The following IFNG-AS1 variants were observed in gnomAD, a reference collection of about 807,000 sequenced individuals.
IFNG-AS1 encodes IFNG regulatory antisense RNA 1, also known as IFNG antisense RNA 1 (non-protein coding).
intron 1 of IFNG-AS1, among the ~76,000 whole-genome samples, chr12:67,995,100 C>A (rs1006671744): frequency 6.6e-6 from 1 of 152,084 alleles, no homozygotes; most frequent in Non-Finnish European, 1.5e-5. Flanking sequence ...CAGGGTTGGA[C>A]CAGGCTTTTG....
chr12:68,020,919 A>G (rs1269184998), intron 4 of IFNG-AS1: 2 of 152,184 alleles, frequency 1.3e-5, no homozygotes, highest in Admixed American at 6.5e-5. Context: ...ATAGAAAAGC[A>G]TATACCACTT....
intron 2 of IFNG-AS1, among the ~76,000 whole-genome samples, chr12:67,997,303 C>T (rs531793678): frequency 3.8e-4 from 57 of 151,912 alleles, no homozygotes; most frequent in African/African-American, 1.2e-3. Flanking sequence ...ACTAGGCAAA[C>T]GAACTGATAG....
intron 3 of IFNG-AS1, among the ~76,000 whole-genome samples, chr12:68,016,997 G>C (rs1880170854): frequency 6.6e-6 from 1 of 152,152 alleles, no homozygotes; most frequent in Admixed American, 6.5e-5. Context: ...CCACATATAA[G>C]TGTAACAAGT....
chr12:68,007,303 A>G (rs925927193), intron 3 of IFNG-AS1, among the ~76,000 whole-genome samples: 15 of 152,364 alleles, frequency 9.8e-5, no homozygotes, highest in Admixed American at 3.3e-4. Context: ...CACTCTATGA[A>G]TCATTAACTA....
At chr12:67,998,929 A>G (rs1040157194) in intron 2 of IFNG-AS1, among the ~76,000 whole-genome samples, 7 of 152,176 alleles carry the variant, frequency 4.6e-5, no homozygotes, top group Non-Finnish European at 2.9e-5. Flanking sequence ...AAACCCAGTT[A>G]ATGTTTATTT....
chr12:68,014,365 T>C (rs563511258), intron 3 of IFNG-AS1, among the ~76,000 whole-genome samples: 36 of 152,370 alleles, frequency 2.4e-4, no homozygotes, highest in African/African-American at 8.4e-4. Context: ...ACCTCCACAC[T>C]GTTTTCCACA....
At chr12:68,016,059 A>C (rs1039295191) in intron 3 of IFNG-AS1, among the ~76,000 whole-genome samples, 1 of 152,204 alleles carries the variant, frequency 6.6e-6, no homozygotes, top group African/African-American at 2.4e-5. Flanking sequence ...GAGGGGAAAG[A>C]AACCAACATT....
Position 68,018,786 on chromosome 12 carries a change from A to ATT in IFNG-AS1, n.242-1068_242-1067dup, listed in dbSNP as rs145826038. Among the ~76,000 whole-genome samples, 15 of 27,326 alleles carry ATT rather than the reference A, an allele frequency of 5.5e-4. No individual in the cohort carries two copies. The Admixed American group carries it at 9.6e-3, about 17-fold the overall frequency. 17.9% of individuals were successfully genotyped at this position (27,326 alleles called of 152,430 possible). A position where few individuals can be genotyped will look rare whatever the true frequency, so the allele number is the denominator to read the frequency against. On this transcript the variant is annotated intron_variant and non_coding_transcript_variant, in intron 3 of 5. Coordinates refer to ENST00000536914, the Ensembl canonical transcript of IFNG-AS1. ...TGTTTTGTTTTGTTTTTATATATAT[A>ATT]TTTTTTTTTATTATACTTTAAGTTC...
chr12:68,003,525 C>G (rs1442759393), intron 2 of IFNG-AS1, among the ~76,000 whole-genome samples: 1 of 151,930 alleles, frequency 6.6e-6, no homozygotes, highest in African/African-American at 2.4e-5. Context: ...CCATGTGTCC[C>G]TCAAGGGTCC....
chr12:68,002,719 G>A (rs117472089), intron 2 of IFNG-AS1, among the ~76,000 whole-genome samples: 3,100 of 152,232 alleles, frequency 0.02, 38 homozygotes, highest in Non-Finnish European at 0.031. Context: ...TTGCTTAAAA[G>A]TCTCTGGAGC....
chr12:67,991,774 G>A (rs564156814), intron 1 of IFNG-AS1, among the ~76,000 whole-genome samples: 2 of 152,194 alleles, frequency 1.3e-5, no homozygotes, highest in East Asian at 3.9e-4. Context: ...TCTTAAACAG[G>A]TTCAAAAAAC....
intron 3 of IFNG-AS1, among the ~76,000 whole-genome samples, chr12:68,008,395 G>A (rs1034205005): frequency 3.0e-5 from 4 of 134,912 alleles, no homozygotes; most frequent in Non-Finnish European, 4.7e-5. Context: ...CAGCCTGGGC[G>A]ACAGCACGAG....
At chr12:68,001,528 G>T in intron 2 of IFNG-AS1, 1 of 230,164 alleles carries the variant, frequency 4.3e-6, no homozygotes, top group South Asian at 7.3e-5. Flanking sequence ...GCTTGATACT[G>T]AAAACCTTGC....
chr12:67,995,252 C>A (rs1265881352), intron 1 of IFNG-AS1, among the ~76,000 whole-genome samples: 1 of 151,658 alleles, frequency 6.6e-6, no homozygotes, highest in Non-Finnish European at 1.5e-5. Context: ...GAAACCCTGT[C>A]TCTACAAAAA....
At chr12:68,017,677 A>G (rs978263713) in intron 3 of IFNG-AS1, among the ~76,000 whole-genome samples, 5 of 152,194 alleles carry the variant, frequency 3.3e-5, no homozygotes, top group Admixed American at 1.3e-4. Flanking sequence ...TAATCTTTAC[A>G]TTTCTAAAAT....
intron 1 of IFNG-AS1, among the ~76,000 whole-genome samples, chr12:67,990,512 C>G (rs926542747): frequency 1.3e-5 from 2 of 152,114 alleles, no homozygotes; most frequent in African/African-American, 4.8e-5. Flanking sequence ...ATAGAAACAT[C>G]TGAACATCTT....
In IFNG-AS1 at chr12:68,014,610, A is replaced by G. The variant is rs144926952; in HGVS notation, n.242-5252A>G. On this transcript the variant is annotated intron_variant and non_coding_transcript_variant, in intron 3 of 5. Coordinates refer to ENST00000536914, the Ensembl canonical transcript of IFNG-AS1. Reference sequence around the variant, plus strand: ...ATATCTTCTTTTGAGAATTGAGCAGACAGCTTTTGAACTTCATTTACAACA... The same window carrying G: ...ATATCTTCTTTTGAGAATTGAGCAGGCAGCTTTTGAACTTCATTTACAACA... Among the ~76,000 whole-genome samples, 55 of 152,228 alleles carry G rather than the reference A, an allele frequency of 3.6e-4. No individual in the cohort carries two copies. The East Asian group carries it at 8.1e-3, about 22-fold the overall frequency.
chr12:68,004,414 C>T (rs1016273462), intron 2 of IFNG-AS1, among the ~76,000 whole-genome samples: 3 of 152,158 alleles, frequency 2.0e-5, no homozygotes, highest in Non-Finnish European at 4.4e-5. Context: ...CTTCCCAATG[C>T]TGGATCTTCC....
intron 2 of IFNG-AS1, among the ~76,000 whole-genome samples, chr12:68,003,728 C>T (rs1162678325): frequency 6.6e-6 from 1 of 152,050 alleles, no homozygotes; most frequent in Non-Finnish European, 1.5e-5. Flanking sequence ...TCTTGGCTAA[C>T]ACGGCAAAAC....
Sources: gnomAD v4.1 joint callset for allele counts (sites outside exome capture counted in the v4.1 genomes callset) on GRCh38, gnomAD v4.1.1 for gene constraint, MANE v1.5 for transcripts, NCBI Gene and HGNC (gene_info 2026-07-23, HGNC 2026-07-21) for gene names.